Variants in SPECC1L observed in about 807,000 individuals in gnomAD.
SPECC1L encodes the protein sperm antigen with calponin homology and coiled-coil domains 1 like, also known as cytospin-A.
In SPECC1L, 40 loss-of-function variants were observed where a neutral mutation model predicts 116.8. The observed-to-expected ratio is 0.34, with a 90% CI of 0.27 to 0.45. SPECC1L has a LOEUF of 0.45. Among genes scored for constraint, SPECC1L ranks in the 20% least tolerant of loss-of-function variants. The probability of loss-of-function intolerance (pLI) is 1.00; values close to 1 mark genes in which losing one functional copy is unlikely to be tolerated. For synonymous variants in SPECC1L, 504 were observed against 500.6 expected, an observed-to-expected ratio of 1.01 and a Z score of -0.09; for missense variants, 1,110 against 1,373.6, an observed-to-expected ratio of 0.81 and a Z score of 3.03.
intron 2 of SPECC1L, among the ~76,000 whole-genome samples, chr22:24,277,824 G>A (rs1428899632): frequency 1.3e-5 from 2 of 152,212 alleles, no homozygotes; most frequent in African/African-American, 4.8e-5. Flanking sequence ...TAAGAATAAT[G>A]CTACTGTGAA....
chr22:24,399,043 A>C (rs2042420140), intron 14 of SPECC1L, among the ~76,000 whole-genome samples: 1 of 152,240 alleles, frequency 6.6e-6, no homozygotes, highest in South Asian at 2.1e-4. Flanking sequence ...ACATGCTCAG[A>C]GTTCATCAGT....
chr22:24,313,276 A>G (rs1468832383), intron 3 of SPECC1L, 37 bp from the exon 4 acceptor site: 1 of 1,610,236 alleles, frequency 6.2e-7, no homozygotes, highest in African/African-American at 1.3e-5. Flanking sequence ...ATCTTGCTTG[A>G]TCTAGTAAAT....
chr22:24,291,892 T>C, intron 2 of SPECC1L, among the ~76,000 whole-genome samples: 1 of 152,184 alleles, frequency 6.6e-6, no homozygotes, highest in East Asian at 1.9e-4. Context: ...GTTGTTGTTG[T>C]TTTTGAATAA....
At chr22:24,387,690 CAAAT>C (rs992814850) in intron 14 of SPECC1L, among the ~76,000 whole-genome samples, 3 of 152,096 alleles carry the variant, frequency 2.0e-5, no homozygotes, top group Non-Finnish European at 4.4e-5. Flanking sequence ...CTATATAAAA[CAAAT>C]AATTTATAAT....
intron 13 of SPECC1L, among the ~76,000 whole-genome samples, chr22:24,366,154 A>T (rs2041759994): frequency 1.3e-5 from 2 of 151,856 alleles, no homozygotes; most frequent in African/African-American, 4.8e-5. Context: ...GGAACAGTAG[A>T]AGAAAAGATT....
chr22:24,341,828 A>G, intron 10 of SPECC1L, among the ~76,000 whole-genome samples: 1 of 152,254 alleles, frequency 6.6e-6, no homozygotes, highest in East Asian at 1.9e-4. Flanking sequence ...CCCAGTTCCC[A>G]TGTTGTGAGC....
chr22:24,285,060 G>C (rs1042296235), intron 2 of SPECC1L, among the ~76,000 whole-genome samples: 3 of 152,226 alleles, frequency 2.0e-5, no homozygotes, highest in Non-Finnish European at 4.4e-5. Flanking sequence ...AGCTGTGGTG[G>C]TTAGGATTGG....
At chr22:24,410,172 G>A (rs1257716660) in intron 14 of SPECC1L, among the ~76,000 whole-genome samples, 1 of 152,118 alleles carries the variant, frequency 6.6e-6, no homozygotes, top group Non-Finnish European at 1.5e-5. Context: ...GTGTTTTTTC[G>A]GAGATGGGGG....
Position 24,322,612 on chromosome 22 carries a change from G to A in SPECC1L, c.1632G>A (p.Met544Ile), listed in dbSNP as rs779616044. The change falls in exon 5 of 17, where the codon ATG (methionine) becomes ATA (isoleucine). Residue 544 changes from methionine (M) to isoleucine (I), a missense_variant. By Grantham distance (10) the Met-to-Ile change is conservative. This residue lies in a region of SPECC1L where 575 missense variants were observed against 682.4 expected (regional missense o/e 0.84). Coordinates refer to ENST00000314328, the MANE Select transcript of SPECC1L (RefSeq NM_015330.6). ...CACTCAAAGAACGCAGTCACCATAT[G>A]GAGCGAATTATTGAGTCTGAGCAGA... ...IGALKERSHHMERIIESEQKG... is the reference protein window; with the variant it reads ...IGALKERSHHIERIIESEQKG... The A allele has an allele frequency of 6.2e-7, 1 of 1,614,080 alleles. No homozygotes were observed. The highest frequency in any genetic ancestry group is 8.5e-7 in the Non-Finnish European group (1 of 1,180,036).
intron 2 of SPECC1L, among the ~76,000 whole-genome samples, chr22:24,287,972 A>AT (rs916020809): frequency 2.6e-5 from 4 of 152,122 alleles, no homozygotes; most frequent in African/African-American, 9.7e-5. Flanking sequence ...CCTGTGGTTC[A>AT]TCTCAGATTT....
chr22:24,347,718 C>T (rs1003615081), intron 11 of SPECC1L, among the ~76,000 whole-genome samples: 1 of 152,062 alleles, frequency 6.6e-6, no homozygotes, highest in Admixed American at 6.6e-5. Flanking sequence ...CTCTGTCTCC[C>T]AGGCTGGAGT....
At chr22:24,334,693 G>GT in intron 9 of SPECC1L, 120 bp downstream of exon 9, 1 of 1,077,778 alleles carries the variant, frequency 9.3e-7, no homozygotes, top group Non-Finnish European at 1.4e-6. Flanking sequence ...CTTTCATATA[G>GT]TATTAATGCA....
chr22:24,340,140 CTTTTTTTTTT>C (rs765402107), intron 10 of SPECC1L, among the ~76,000 whole-genome samples: 5 of 105,140 alleles, frequency 4.8e-5, no homozygotes, highest in African/African-American at 1.8e-4. Flanking sequence ...ATTTAATGAC[CTTTTTTTTTT>C]TTTTTTTTTT....
intron 13 of SPECC1L, among the ~76,000 whole-genome samples, chr22:24,366,794 T>C (rs1486530096): frequency 2.0e-5 from 3 of 152,198 alleles, no homozygotes; most frequent in Non-Finnish European, 4.4e-5. Context: ...TTCATAGTTC[T>C]CTTAGGACTA....
At chr22:24,310,737 T>C (rs1416056604) in intron 3 of SPECC1L, among the ~76,000 whole-genome samples, 1 of 152,194 alleles carries the variant, frequency 6.6e-6, no homozygotes, top group East Asian at 1.9e-4. Context: ...TTGTGAGATA[T>C]TGCAAATATA....
intron 11 of SPECC1L, among the ~76,000 whole-genome samples, chr22:24,348,326 TATTAA>T (rs1181963445): frequency 2.0e-5 from 3 of 152,138 alleles, no homozygotes; most frequent in East Asian, 1.9e-4. Context: ...TTGTGAAAAG[TATTAA>T]ATTAAAGAAC....
At position 24,383,629 on chromosome 22, in the gene SPECC1L, AATTTT is replaced by A. The variant is rs1315343871; in HGVS notation, c.3087+14320_3087+14324del. On this transcript the variant is annotated intron_variant, in intron 14 of 16. Transcript: ENST00000314328. ...AATCTGTAAAATAGAATCAAATCAA[AATTTT>A]ATTTTATTTTTTGATTTTATTTTTT... Among the ~76,000 whole-genome samples the A allele has an allele frequency of 2.0e-5, 3 of 151,898 alleles. No homozygotes were observed. The East Asian group carries it at 5.8e-4, about 29-fold the overall frequency.
At chr22:24,369,412 T>TAA in intron 14 of SPECC1L, 92 bp downstream of exon 14, 1 of 931,970 alleles carries the variant, frequency 1.1e-6, no homozygotes, top group South Asian at 1.3e-5. Flanking sequence ...TTAGAAATGA[T>TAA]AAGTCCTGAC....
At chr22:24,299,173 T>G (rs560378612) in intron 2 of SPECC1L, among the ~76,000 whole-genome samples, 5 of 152,352 alleles carry the variant, frequency 3.3e-5, no homozygotes, top group Admixed American at 2.6e-4. Context: ...AAAAATTGTT[T>G]TTATATTATA....
Sources: gnomAD v4.1 joint callset for allele counts (sites outside exome capture counted in the v4.1 genomes callset) on GRCh38, gnomAD v4.1.1 for gene constraint, gnomAD v4.1.1 regional missense constraint, MANE v1.5 for transcripts, NCBI Gene and HGNC (gene_info 2026-07-23, HGNC 2026-07-21) for gene names.